Variants in EPB41 observed in about 807,000 individuals in gnomAD.
The protein encoded by EPB41 is protein 4.1.
In EPB41, 65 loss-of-function variants were observed where a neutral mutation model predicts 108.0. That is an observed-to-expected ratio of 0.60 (90% CI 0.49 to 0.74). The LOEUF is 0.74. Ranked by LOEUF, EPB41 falls within the 30% of genes least tolerant of loss-of-function variation. EPB41 has a pLI of 0.00. For synonymous variants in EPB41, 336 were observed against 358.9 expected, an observed-to-expected ratio of 0.94 and a Z score of 0.72; for missense variants, 875 against 1,037.0, an observed-to-expected ratio of 0.84 and a Z score of 2.15.
intron 1 of EPB41, chr1:28,902,149 T>C (rs1020329972): frequency 2.0e-6 from 2 of 979,896 alleles, no homozygotes; most frequent in African/African-American, 1.8e-5. Flanking sequence ...CAGTAGAATC[T>C]CAATAAATGT....
At chr1:28,920,923 G>A (rs975521294) in intron 1 of EPB41, among the ~76,000 whole-genome samples, 2 of 152,006 alleles carry the variant, frequency 1.3e-5, no homozygotes, top group African/African-American at 2.4e-5. Flanking sequence ...GAGCCATGGC[G>A]CCCAGCCTAT....
chr1:28,964,688 A>G (rs1398168242), intron 1 of EPB41, among the ~76,000 whole-genome samples: 3 of 152,204 alleles, frequency 2.0e-5, no homozygotes, highest in African/African-American at 4.8e-5. Flanking sequence ...TAAGGTATAA[A>G]TTCTTGACCA....
rs55849161 is a variant in EPB41, at chr1:28,944,534, G to GTTT, written c.-8+29787_-8+29789dup. On this transcript the variant is annotated intron_variant, in intron 1 of 20. Coordinates refer to ENST00000343067, the MANE Select transcript of EPB41 (RefSeq NM_001376013.1). ...ATTAAACATAAAACTCTCAGATCTGGTTTTTTTTTTTTTTTTTTTTTTTGA... is the reference window on the plus strand; with the variant it reads ...ATTAAACATAAAACTCTCAGATCTGGTTTTTTTTTTTTTTTTTTTTTTTTTTGA... Among the ~76,000 whole-genome samples, 966 of 97,358 alleles carry GTTT rather than the reference G, an allele frequency of 9.9e-3. 14 individuals are homozygous for GTTT. Among genetic ancestry groups the GTTT allele is most frequent in the Non-Finnish European group, 0.013 (677 of 50,584 alleles). 63.9% of individuals were successfully genotyped at this position (97,358 alleles called of 152,430 possible).
chr1:29,069,464 G>A, intron 16 of EPB41: 1 of 1,214,940 alleles, frequency 8.2e-7, no homozygotes, highest in Non-Finnish European at 1.0e-6. Context: ...TTGTTTTGGT[G>A]AACCTTGGAG....
intron 16 of EPB41, among the ~76,000 whole-genome samples, chr1:29,091,633 A>G (rs1168089562): frequency 6.6e-6 from 1 of 152,248 alleles, no homozygotes; most frequent in African/African-American, 2.4e-5. Flanking sequence ...TTTTATCTTC[A>G]GAACCCTATA....
At chr1:29,000,403 AT>A (rs2096272914) in intron 4 of EPB41, among the ~76,000 whole-genome samples, 1 of 152,234 alleles carries the variant, frequency 6.6e-6, no homozygotes, top group African/African-American at 2.4e-5. Flanking sequence ...CCCAACCGTA[AT>A]TAGTTTTTAA....
At chr1:28,922,245 G>A (rs1448661401) in intron 1 of EPB41, among the ~76,000 whole-genome samples, 2 of 151,588 alleles carry the variant, frequency 1.3e-5, no homozygotes, top group African/African-American at 4.9e-5. Context: ...TCAGATCACA[G>A]GCATGAACCA....
intron 2 of EPB41, among the ~76,000 whole-genome samples, chr1:28,992,572 C>G (rs996156662): frequency 6.6e-6 from 1 of 152,074 alleles, no homozygotes; most frequent in Non-Finnish European, 1.5e-5. Flanking sequence ...GCCTGTAGTC[C>G]CAGCTATTCA....
upstream of EPB41, among the ~76,000 whole-genome samples, chr1:28,914,284 C>G (rs150980287): frequency 6.6e-6 from 1 of 152,252 alleles, no homozygotes; most frequent in African/African-American, 2.4e-5. Context: ...CCCGGAACAC[C>G]CCGGCTCCAG....
At chr1:28,895,328 C>G (rs1284239178) in intron 1 of EPB41, among the ~76,000 whole-genome samples, 2 of 151,970 alleles carry the variant, frequency 1.3e-5, no homozygotes, top group African/African-American at 4.8e-5. Flanking sequence ...GACACATTAT[C>G]TCATGCATTC....
At chr1:29,019,172 T>C (rs142635732) in intron 7 of EPB41, among the ~76,000 whole-genome samples, 246 of 152,188 alleles carry the variant, frequency 1.6e-3, no homozygotes, top group African/African-American at 4.3e-3. Flanking sequence ...TCCTAGCACT[T>C]TGGGAGGCCG....
intron 1 of EPB41, among the ~76,000 whole-genome samples, chr1:28,898,610 C>A (rs911355928): frequency 7.9e-5 from 12 of 152,254 alleles, no homozygotes; most frequent in Non-Finnish European, 1.5e-4. Flanking sequence ...CTTGGCCCCA[C>A]CCACTGCTTC....
chr1:29,028,650 A>G (rs1452033659), intron 7 of EPB41, among the ~76,000 whole-genome samples: 1 of 152,198 alleles, frequency 6.6e-6, no homozygotes, highest in African/African-American at 2.4e-5. Context: ...TAAGGGTCCT[A>G]ACTTGCCTGT....
At chr1:28,995,503 A>G (rs2096148435) in intron 3 of EPB41, among the ~76,000 whole-genome samples, 2 of 152,226 alleles carry the variant, frequency 1.3e-5, no homozygotes, top group Admixed American at 1.3e-4. Context: ...TAGAGGTTGC[A>G]GTGAGCTGAG....
At chr1:28,980,912 A>G (rs2095727672) in intron 1 of EPB41, among the ~76,000 whole-genome samples, 1 of 150,098 alleles carries the variant, frequency 6.7e-6, no homozygotes, top group South Asian at 2.1e-4. Context: ...AGCGGGGATT[A>G]CAGACGTCCG....
At chr1:28,907,365 CCTT>C (rs936222073) in intron 1 of EPB41, among the ~76,000 whole-genome samples, 17 of 151,868 alleles carry the variant, frequency 1.1e-4, no homozygotes, top group African/African-American at 3.9e-4. Context: ...CTGCACCCGG[CCTT>C]CTTTTTTTTT....
intron 11 of EPB41, among the ~76,000 whole-genome samples, chr1:29,050,648 G>T (rs1004563464): frequency 6.6e-6 from 1 of 152,096 alleles, no homozygotes; most frequent in Non-Finnish European, 1.5e-5. Context: ...TGTGCAAGAG[G>T]CCGCAGATTT....
intron 1 of EPB41, among the ~76,000 whole-genome samples, chr1:28,983,864 A>G (rs868366692): frequency 1.3e-5 from 2 of 152,170 alleles, no homozygotes; most frequent in Admixed American, 1.3e-4. Context: ...CAGTGAGGTC[A>G]GAGGGCCAGT....
At chr1:29,075,410 G>A (rs1653592766) in intron 16 of EPB41, among the ~76,000 whole-genome samples, 1 of 152,022 alleles carries the variant, frequency 6.6e-6, no homozygotes, top group South Asian at 2.1e-4. Flanking sequence ...CCCAGGAGGT[G>A]GAGGTTGCAG....
Sources: allele counts gnomAD v4.1 joint callset (sites outside exome capture counted in the v4.1 genomes callset), GRCh38; gene constraint gnomAD v4.1.1; transcripts MANE v1.5; gene names NCBI Gene and HGNC (gene_info 2026-07-23, HGNC 2026-07-21).